ADAMTS6: variants seen among roughly 807,000 people sequenced by gnomAD.
ADAMTS6 encodes the protein ADAM metallopeptidase with thrombospondin type 1 motif 6.
A neutral mutation model predicts 144.3 loss-of-function variants in ADAMTS6; 23 were observed. The observed-to-expected ratio is 0.16, with a 90% confidence interval of 0.11 to 0.23. ADAMTS6 has a LOEUF of 0.23. Ranked by LOEUF, ADAMTS6 falls within the 10% of genes least tolerant of loss-of-function variation. The pLI is 1.00. For synonymous variants in ADAMTS6, 444 were observed against 457.5 expected, an observed-to-expected ratio of 0.97 and a Z score of 0.38; for missense variants, 999 against 1,379.6, an observed-to-expected ratio of 0.72 and a Z score of 4.37.
intron 9 of ADAMTS6, among the ~76,000 whole-genome samples, chr5:65,312,310 C>A (rs1253905754): frequency 6.6e-6 from 1 of 151,916 alleles, no homozygotes; most frequent in Non-Finnish European, 1.5e-5. Context: ...AAAGGACATT[C>A]TTAATTTAGA....
rs1743190343 is a variant in ADAMTS6 at position 65,299,839 on chromosome 5, A to G, written c.1370+146T>C. ...AAGAAAAAAAAATTGCCACAATGAT[A>G]TATTAAAGTATTTAGGAAAAAGTTG... On this transcript the variant is annotated intron_variant, in intron 10 of 24. Coordinates refer to ENST00000381055, the MANE Select transcript of ADAMTS6 (RefSeq NM_197941.4). The G allele has an allele frequency of 4.9e-6, 4 of 819,838 alleles. No individual in the cohort carries two copies. The South Asian group carries it at 1.0e-4, about 21-fold the overall frequency. 50.8% of individuals were successfully genotyped at this position (819,838 alleles called of 1,614,324 possible). A position where few individuals can be genotyped will look rare whatever the true frequency, so the allele number is the denominator to read the frequency against.
At chr5:65,184,114 C>T (rs1161604859) in intron 22 of ADAMTS6, among the ~76,000 whole-genome samples, 2 of 152,120 alleles carry the variant, frequency 1.3e-5, no homozygotes, top group Admixed American at 6.5e-5. Context: ...TCCGACCAGA[C>T]CTTCTGTTTT....
At chr5:65,325,719 C>G (rs1746098488) in intron 9 of ADAMTS6, among the ~76,000 whole-genome samples, 1 of 152,060 alleles carries the variant, frequency 6.6e-6, no homozygotes, top group African/African-American at 2.4e-5. Context: ...GTCTCCAATG[C>G]CTGGGCTCAA....
At chr5:65,249,660 G>C (rs1043169858) in intron 14 of ADAMTS6, among the ~76,000 whole-genome samples, 1 of 152,146 alleles carries the variant, frequency 6.6e-6, no homozygotes, top group Non-Finnish European at 1.5e-5. Context: ...CAAGAATTGA[G>C]GTTGCTGCAG....
chr5:65,160,315 T>TTC (rs888095476), intron 24 of ADAMTS6, among the ~76,000 whole-genome samples: 1 of 151,742 alleles, frequency 6.6e-6, no homozygotes, highest in African/African-American at 2.4e-5. Context: ...CTTTCTTTTT[T>TTC]TTTTTTTTTT....
intron 4 of ADAMTS6, among the ~76,000 whole-genome samples, chr5:65,457,846 C>CA (rs1463344507): frequency 6.7e-6 from 1 of 149,838 alleles, no homozygotes; most frequent in Non-Finnish European, 1.5e-5. Context: ...CCTGCCTCAG[C>CA]CTCCCGAGTA....
At chr5:65,407,792 T>C (rs1206905709) in intron 7 of ADAMTS6, among the ~76,000 whole-genome samples, 3 of 152,142 alleles carry the variant, frequency 2.0e-5, no homozygotes, top group Non-Finnish European at 1.5e-5. Context: ...TAAAGACACA[T>C]GCACACGTAT....
intron 14 of ADAMTS6, among the ~76,000 whole-genome samples, chr5:65,248,295 T>C (rs993650562): frequency 2.6e-5 from 4 of 152,172 alleles, no homozygotes; most frequent in African/African-American, 9.7e-5. Context: ...TTCTGATTTT[T>C]TTTCACTATA....
At chr5:65,320,517 C>G (rs1384018945) in intron 9 of ADAMTS6, among the ~76,000 whole-genome samples, 1 of 151,188 alleles carries the variant, frequency 6.6e-6, no homozygotes. Flanking sequence ...AATATACAAA[C>G]TATTCCAAAA....
At chr5:65,200,749 T>C (rs1755681545) in intron 20 of ADAMTS6, among the ~76,000 whole-genome samples, 1 of 152,096 alleles carries the variant, frequency 6.6e-6, no homozygotes, top group African/African-American at 2.4e-5. Flanking sequence ...CCTTCCTCCA[T>C]GCTTAAAAAA....
chr5:65,377,855 G>A (rs945624822), intron 7 of ADAMTS6, among the ~76,000 whole-genome samples: 6 of 152,126 alleles, frequency 3.9e-5, no homozygotes, highest in Non-Finnish European at 7.4e-5. Context: ...GGTATCAGCA[G>A]GGCCATACTC....
intron 11 of ADAMTS6, among the ~76,000 whole-genome samples, chr5:65,289,043 T>C (rs1354942576): frequency 1.3e-5 from 2 of 152,198 alleles, no homozygotes; most frequent in African/African-American, 2.4e-5. Context: ...CATATTGCAC[T>C]TAAACAAATA....
chr5:65,248,581 G>A (rs943042671), intron 14 of ADAMTS6, among the ~76,000 whole-genome samples: 8 of 151,934 alleles, frequency 5.3e-5, no homozygotes, highest in South Asian at 2.1e-4. Flanking sequence ...AGGGTGGATC[G>A]CTCGAGTTCA....
At chr5:65,441,856 C>CTAAAGGAACA (rs1307173066) in intron 7 of ADAMTS6, among the ~76,000 whole-genome samples, 11 of 149,946 alleles carry the variant, frequency 7.3e-5, no homozygotes, top group Non-Finnish European at 1.5e-4. Context: ...AAGAAATACT[C>CTAAAGGAACA]TAAAGGAACA....
intron 9 of ADAMTS6, among the ~76,000 whole-genome samples, chr5:65,316,641 T>C (rs1204404571): frequency 6.6e-6 from 1 of 152,072 alleles, no homozygotes; most frequent in Non-Finnish European, 1.5e-5. Context: ...AACAGAAGAA[T>C]TACAAAAGTT....
chr5:65,247,631 A>C (rs1214853180), intron 14 of ADAMTS6, among the ~76,000 whole-genome samples: 1 of 152,146 alleles, frequency 6.6e-6, no homozygotes, highest in East Asian at 1.9e-4. Flanking sequence ...GTAATATGAT[A>C]AGACAGCCAA....
At chr5:65,371,638 C>T (rs1310449429) in intron 7 of ADAMTS6, among the ~76,000 whole-genome samples, 2 of 152,090 alleles carry the variant, frequency 1.3e-5, no homozygotes, top group Non-Finnish European at 2.9e-5. Flanking sequence ...ACCAAATCTA[C>T]GTCTGATTGG....
chr5:65,366,486 C>T (rs1221954125), intron 7 of ADAMTS6, among the ~76,000 whole-genome samples: 1 of 152,088 alleles, frequency 6.6e-6, no homozygotes, highest in Non-Finnish European at 1.5e-5. Context: ...AGTCACAATG[C>T]CCCTGGTAGC....
At chr5:65,234,766 A>G (rs1758543487) in intron 15 of ADAMTS6, among the ~76,000 whole-genome samples, 1 of 152,190 alleles carries the variant, frequency 6.6e-6, no homozygotes, top group African/African-American at 2.4e-5. Context: ...GTATATATCC[A>G]AAGGACATGA....
Sources: gnomAD v4.1 joint callset for allele counts (sites outside exome capture counted in the v4.1 genomes callset) on GRCh38, gnomAD v4.1.1 for gene constraint, MANE v1.5 for transcripts, NCBI Gene and HGNC (gene_info 2026-07-23, HGNC 2026-07-21) for gene names.